WDHD1: variants seen among roughly 807,000 people sequenced by gnomAD.
The protein encoded by WDHD1 is WD repeat and HMG-box DNA binding protein 1.
In WDHD1, 111 loss-of-function variants were observed where a neutral mutation model predicts 135.4. The observed-to-expected ratio is 0.82, with a 90% CI of 0.70 to 0.96. The LOEUF is 0.96. Ranked by LOEUF, WDHD1 falls within the 40% of genes least tolerant of loss-of-function variation. The probability of loss-of-function intolerance (pLI) is 0.00; values close to 1 mark genes in which losing one functional copy is unlikely to be tolerated. For synonymous variants in WDHD1, 434 were observed against 439.0 expected, an observed-to-expected ratio of 0.99 and a Z score of 0.14; for missense variants, 1,351 against 1,336.3, an observed-to-expected ratio of 1.01 and a Z score of -0.17.
At chr14:55,010,565 T>C in intron 3 of WDHD1, 105 bp from the exon 4 acceptor site, 1 of 1,001,256 alleles carries the variant, frequency 1.0e-6, no homozygotes, top group Non-Finnish European at 1.3e-6. Context: ...CTTAAAAATC[T>C]AGTTCATATC....
chr14:54,960,081 C>T (rs955818114), intron 21 of WDHD1, among the ~76,000 whole-genome samples: 1 of 152,192 alleles, frequency 6.6e-6, no homozygotes, highest in Non-Finnish European at 1.5e-5. Flanking sequence ...AATAGCTCTC[C>T]AACTCTGCCC....
At chr14:55,008,281 G>A in intron 6 of WDHD1, 35 bp downstream of exon 6, 1 of 1,599,372 alleles carries the variant, frequency 6.3e-7, no homozygotes, top group Non-Finnish European at 8.5e-7. Context: ...TACAGAAATG[G>A]GCAAAAAACT....
intron 16 of WDHD1, among the ~76,000 whole-genome samples, chr14:54,977,937 A>C (rs555584253): frequency 3.3e-5 from 5 of 152,032 alleles, no homozygotes; most frequent in Non-Finnish European, 5.9e-5. Flanking sequence ...CATGTTAAGA[A>C]AAAAAAAGCC....
intron 25 of WDHD1, among the ~76,000 whole-genome samples, chr14:54,943,659 A>G (rs2040873247): frequency 6.6e-6 from 1 of 152,170 alleles, no homozygotes; most frequent in Non-Finnish European, 1.5e-5. Flanking sequence ...TGGCCTCCCA[A>G]AGTGCTAGGA....
At chr14:54,995,432 T>C (rs1242835663) in intron 11 of WDHD1, among the ~76,000 whole-genome samples, 171 bp downstream of exon 11, 1 of 152,222 alleles carries the variant, frequency 6.6e-6, no homozygotes, top group African/African-American at 2.4e-5. Context: ...TAGCAGAAGC[T>C]TGGATTATAG....
intron 16 of WDHD1, among the ~76,000 whole-genome samples, chr14:54,976,151 G>A (rs1566721741): frequency 1.3e-5 from 2 of 152,316 alleles, no homozygotes; most frequent in East Asian, 3.9e-4. Context: ...TTCCAGAGAA[G>A]CATGTGATTT....
At chr14:54,969,094 A>AGT (rs965107277) in intron 16 of WDHD1, among the ~76,000 whole-genome samples, 7 of 152,054 alleles carry the variant, frequency 4.6e-5, no homozygotes, top group African/African-American at 1.7e-4. Context: ...GCTGGAGTGC[A>AGT]GTGGCACGAT....
At chr14:55,013,194 C>CAAAAAAAAAAAAAAAAAAAAAAAAAA (rs71448422) in intron 3 of WDHD1, among the ~76,000 whole-genome samples, 15 of 82,316 alleles carry the variant, frequency 1.8e-4, no homozygotes, top group African/African-American at 5.7e-4. Context: ...GATCCCGTTT[C>CAAAAAAAAAAAAAAAAAAAAAAAAAA]AAAAAAAAAA....
intron 24 of WDHD1, among the ~76,000 whole-genome samples, chr14:54,950,351 C>T (rs2041023222): frequency 6.6e-6 from 1 of 152,054 alleles, no homozygotes. Flanking sequence ...ATCCTAGTCT[C>T]TGATAAAACA....
rs1264148970 is a variant in WDHD1, at chr14:54,939,559, T to G, written c.*1931A>C. The G allele has an allele frequency of 4.1e-5, 6 of 147,134 alleles. No homozygotes were observed. The East Asian group carries it at 1.0e-3, about 24-fold the overall frequency. The allele number at this position is 147,134 out of a possible 1,614,324, so 9.1% of individuals were successfully genotyped here. On this transcript the variant is annotated 3_prime_UTR_variant, in exon 26 of 26. Coordinates refer to ENST00000360586, the MANE Select transcript of WDHD1 (RefSeq NM_007086.4). The stretch of plus-strand genomic sequence containing the variant: ...TAATTAATTTATTTCCATTTTCACT[T>G]TCATACTATTCAGTCCCAATTCTCT...
At position 55,008,417 on chromosome 14, in the gene WDHD1, T is replaced by C. The variant is rs1211269030; in HGVS notation, c.454-51A>G. ...CTATAGTCATAGCCATAATACTACA[T>C]GGAAAGTGGTTCAATTAATTAAATC... is the stretch of plus-strand genomic sequence containing the variant. On this transcript the variant is annotated intron_variant, in intron 5 of 25. Transcript: ENST00000360586. The C allele has an allele frequency of 7.0e-6, 11 of 1,563,720 alleles. No homozygotes were observed. The South Asian group carries it at 7.1e-5, about 10-fold the overall frequency.
At chr14:55,010,272 T>G in intron 4 of WDHD1, 37 bp downstream of exon 4, 1 of 1,493,222 alleles carries the variant, frequency 6.7e-7, no homozygotes, top group South Asian at 1.4e-5. Context: ...CCTTTTGTTC[T>G]AACATTATTT....
intron 18 of WDHD1, among the ~76,000 whole-genome samples, chr14:54,964,040 T>G (rs1343544132): frequency 6.6e-6 from 1 of 152,062 alleles, no homozygotes; most frequent in African/African-American, 2.4e-5. Flanking sequence ...CCCAGGAGGT[T>G]GAGGCTGCAG....
intron 2 of WDHD1, among the ~76,000 whole-genome samples, chr14:55,015,694 A>G (rs1322438809): frequency 1.3e-4 from 20 of 151,426 alleles, no homozygotes; most frequent in Admixed American, 1.2e-3. Context: ...TTTTGTTCCA[A>G]TGGAATTTTT....
At chr14:54,980,350 G>T (rs1051406370) in intron 16 of WDHD1, among the ~76,000 whole-genome samples, 1 of 151,666 alleles carries the variant, frequency 6.6e-6, no homozygotes, top group Non-Finnish European at 1.5e-5. Context: ...TAATTCAGTG[G>T]TTTTTTTGTA....
chr14:55,004,660 C>T (rs1204812954), intron 7 of WDHD1, among the ~76,000 whole-genome samples: 2 of 152,202 alleles, frequency 1.3e-5, no homozygotes, highest in Non-Finnish European at 2.9e-5. Flanking sequence ...GCCATGTTTC[C>T]CAGGCTGGTC....
chr14:54,955,895 C>CTTTTT lies in WDHD1; in HGVS notation c.2917-206_2917-202dup, dbSNP rs71131243. Among the ~76,000 whole-genome samples the CTTTTT allele has an allele frequency of 3.4e-4, 37 of 110,094 alleles. 1 individual carries two copies. The highest frequency in any genetic ancestry group is 4.0e-4 in the African/African-American group (11 of 27,234). The allele number at this position is 110,094 out of a possible 152,430, so 72.2% of individuals were successfully genotyped here. On this transcript the variant is annotated intron_variant, in intron 23 of 25. Coordinates refer to ENST00000360586, the MANE Select transcript of WDHD1 (RefSeq NM_007086.4). ...ACTACACTTCAGATTCCATGTTTTC[C>CTTTTT]TTTTTTTTTTTTTTTTTTTTGAGAC... is the stretch of plus-strand genomic sequence containing the variant.
In WDHD1 at chr14:54,981,683, G is replaced by T; in HGVS notation, c.1920C>A (p.Tyr640Ter). 1 of 1,606,564 alleles carries T rather than the reference G, an allele frequency of 6.2e-7. No individual in the cohort carries two copies. The highest frequency in any genetic ancestry group is 8.5e-7 in the Non-Finnish European group (1 of 1,174,114). Residue 640 changes from tyrosine (Y) to a stop codon, truncating the protein, a stop_gained, in exon 16 of 26, where the codon TAC (tyrosine) becomes TAA (stop). Coordinates refer to ENST00000360586, the MANE Select transcript of WDHD1 (RefSeq NM_007086.4). LOFTEE classifies it high-confidence loss of function. ...TTCGAACAATTCCTTCTGAATCCACGTAACAAGGGGTACCTAAACACCAAC... is the reference window on the plus strand; with the variant it reads ...TTCGAACAATTCCTTCTGAATCCACTTAACAAGGGGTACCTAAACACCAAC... Reference protein sequence around the residue: ...IGFSAEGTPCYVDSEGIVRML... With the variant: ...IGFSAEGTPC
At chr14:54,972,549 G>A (rs1405637272) in intron 16 of WDHD1, among the ~76,000 whole-genome samples, 2 of 19,882 alleles carry the variant, frequency 1.0e-4, no homozygotes, top group African/African-American at 2.7e-4. Flanking sequence ...AAGCAAGACT[G>A]TCACAAAAAA....
Sources: allele counts gnomAD v4.1 joint callset (sites outside exome capture counted in the v4.1 genomes callset), GRCh38; gene constraint gnomAD v4.1.1; transcripts MANE v1.5; gene names NCBI Gene and HGNC (gene_info 2026-07-23, HGNC 2026-07-21).